GAREM2: variants seen among roughly 807,000 people sequenced by gnomAD.
The protein encoded by GAREM2 is GRB2-associated and regulator of MAPK protein 2.
Under a neutral mutation model 55.6 loss-of-function variants are expected in GAREM2, and 30 were observed. That is an observed-to-expected ratio of 0.54 (90% CI 0.40 to 0.73). GAREM2 has a LOEUF of 0.73. GAREM2 is among the 30% of genes least tolerant of loss of function. The probability of loss-of-function intolerance (pLI) is 0.00; values close to 1 mark genes in which losing one functional copy is unlikely to be tolerated. For synonymous variants in GAREM2, 550 were observed against 569.1 expected, an observed-to-expected ratio of 0.97 and a Z score of 0.48; for missense variants, 1,075 against 1,257.7, an observed-to-expected ratio of 0.85 and a Z score of 2.20.
chr2:26,174,354 C>T (rs1668793802), intron 1 of GAREM2, among the ~76,000 whole-genome samples: 1 of 152,200 alleles, frequency 6.6e-6, no homozygotes, highest in Non-Finnish European at 1.5e-5. Context: ...GAGTGTGGTA[C>T]TGTGTCTGCC....
At chr2:26,201,784 TA>T in the GAREM2 span, among the ~76,000 whole-genome samples, 1 of 151,584 alleles carries the variant, frequency 6.6e-6, no homozygotes. Context: ...TCTGTAGTTG[TA>T]ATCTTTTTTT....
chr2:26,180,151 T>G (rs1668997736), intron 2 of GAREM2, among the ~76,000 whole-genome samples: 1 of 152,288 alleles, frequency 6.6e-6, no homozygotes, highest in Non-Finnish European at 1.5e-5. Flanking sequence ...GCCAGCGTTC[T>G]CCTAGTCATT....
At chr2:26,197,544 G>A in the GAREM2 span, 6 of 688,018 alleles carry the variant, frequency 8.7e-6, no homozygotes, top group South Asian at 5.9e-5. Context: ...CACTAGTCAT[G>A]GTATTAGCAT....
In GAREM2 at chr2:26,189,476, T is replaced by C. The variant is rs942934580; in HGVS notation, c.*1219T>C. ...ACCTATTTATTTCCTCCACTTTTTA[T>C]CTTAAAAGTAGCTAAGCCATGCTGG... On this transcript the variant is annotated 3_prime_UTR_variant, in exon 6 of 6. Coordinates refer to ENST00000401533, the MANE Select transcript of GAREM2 (RefSeq NM_001168241.2). The C allele has an allele frequency of 6.6e-6, 1 of 152,202 alleles. No homozygotes were observed. The highest frequency in any genetic ancestry group is 1.5e-5 in the Non-Finnish European group (1 of 68,052). 9.4% of individuals were successfully genotyped at this position (152,202 alleles called of 1,614,324 possible).
At chr2:26,192,475 T>C (rs748687007), downstream of GAREM2, 4 of 1,000,728 alleles carry the variant, frequency 4.0e-6, no homozygotes, top group African/African-American at 6.4e-5. Flanking sequence ...AGGGAGGGAG[T>C]GTTACTATTT....
chr2:26,182,879 T>C (rs2147731786), intron 2 of GAREM2, 88 bp from the exon 3 acceptor site: 3 of 1,476,320 alleles, frequency 2.0e-6, no homozygotes, highest in Non-Finnish European at 9.2e-7. Flanking sequence ...GAGATTATGG[T>C]AGCAAGTGAC....
chr2:26,176,770 A>G (rs1668878646), intron 2 of GAREM2, among the ~76,000 whole-genome samples: 1 of 152,186 alleles, frequency 6.6e-6, no homozygotes, highest in African/African-American at 2.4e-5. Context: ...CCCTAATCAG[A>G]GGCCTTCAGG....
intron 2 of GAREM2, among the ~76,000 whole-genome samples, chr2:26,177,010 T>C (rs886682662): frequency 4.6e-5 from 7 of 152,366 alleles, no homozygotes; most frequent in South Asian, 2.1e-4. Context: ...AATTTTAGAC[T>C]TCTAAAGATT....
At chr2:26,192,379 T>C (rs1400256001), downstream of GAREM2, 1 of 1,609,696 alleles carries the variant, frequency 6.2e-7, no homozygotes, top group African/African-American at 1.3e-5. Context: ...ATCCTTCCTC[T>C]TCACACCCTC....
chr2:26,182,905 G>C, intron 2 of GAREM2, 62 bp from the exon 3 acceptor site: 10 of 1,536,874 alleles, frequency 6.5e-6, no homozygotes, highest in Non-Finnish European at 8.8e-6. Context: ...AGGCTCTTGG[G>C]ACGCAGGCTA....
intron 1 of GAREM2, among the ~76,000 whole-genome samples, chr2:26,175,096 C>A (rs1320992305): frequency 4.6e-5 from 7 of 151,600 alleles, no homozygotes; most frequent in African/African-American, 1.7e-4. Flanking sequence ...CACACACATA[C>A]ACACACACGC....
downstream of GAREM2, chr2:26,189,678 T>G (rs1255555517): frequency 1.6e-5 from 1 of 63,260 alleles, no homozygotes; most frequent in African/African-American, 8.5e-5. Flanking sequence ...GGGTGCCAGC[T>G]GCTTTCTTCT....
intron 2 of GAREM2, among the ~76,000 whole-genome samples, chr2:26,177,267 G>T (rs1186154089): frequency 6.6e-6 from 1 of 152,174 alleles, no homozygotes; most frequent in Non-Finnish European, 1.5e-5. Context: ...GCGTGTGGTT[G>T]CTGTCCCCTG....
downstream of GAREM2, chr2:26,193,614 T>C (rs1292140828): frequency 6.2e-7 from 1 of 1,614,094 alleles, no homozygotes; most frequent in Admixed American, 1.7e-5. Flanking sequence ...TCAGCAGTTC[T>C]GGGTTTCCAC....
chr2:26,177,211 C>G (rs1200337473), intron 2 of GAREM2, among the ~76,000 whole-genome samples: 1 of 152,092 alleles, frequency 6.6e-6, no homozygotes, highest in East Asian at 1.9e-4. Context: ...CTGGCCAGAT[C>G]CAGGTATCTC....
chr2:26,196,911 G>C, the GAREM2 span, among the ~76,000 whole-genome samples: 1 of 152,160 alleles, frequency 6.6e-6, no homozygotes, highest in Non-Finnish European at 1.5e-5. Context: ...CATTGAGCCT[G>C]CCTCTGTCAG....
At chr2:26,177,501 T>C (rs979896840) in intron 2 of GAREM2, among the ~76,000 whole-genome samples, 1 of 152,176 alleles carries the variant, frequency 6.6e-6, no homozygotes, top group South Asian at 2.1e-4. Context: ...CCCAGTGCCA[T>C]GTTTTTTATT....
rs1668989638 is a variant in GAREM2, at chr2:26,179,954, G to A, written c.254-3013G>A. ...GTGGGGGTTGTGTGTGGACTTGGGGGAGGAGGCGGGAGTGAGGGGAGGAGG... is the reference window on the plus strand; with the variant it reads ...GTGGGGGTTGTGTGTGGACTTGGGGAAGGAGGCGGGAGTGAGGGGAGGAGG... On this transcript the variant is annotated intron_variant, in intron 2 of 5. Transcript: ENST00000401533. This position sits in a 1 kb window ranked among gnomAD's most constrained non-coding sequence, Gnocchi z 4.7. Among the ~76,000 whole-genome samples the A allele has an allele frequency of 6.6e-6, 1 of 152,048 alleles. No individual in the cohort carries two copies. The highest frequency in any genetic ancestry group is 6.5e-5 in the Admixed American group (1 of 15,278).
downstream of GAREM2, among the ~76,000 whole-genome samples, chr2:26,191,879 C>T (rs1324852733): frequency 1.3e-5 from 2 of 152,218 alleles, no homozygotes; most frequent in Non-Finnish European, 2.9e-5. Flanking sequence ...ATCAGTATCT[C>T]TTTGACATCA....
Sources: allele counts gnomAD v4.1 joint callset (sites outside exome capture counted in the v4.1 genomes callset), GRCh38; gene constraint gnomAD v4.1.1; non-coding constraint Gnocchi (gnomAD v3.1); transcripts MANE v1.5; gene names NCBI Gene and HGNC (gene_info 2026-07-23, HGNC 2026-07-21).